TMC1: variants seen among roughly 807,000 people sequenced by gnomAD.
TMC1 encodes transmembrane channel-like protein 1.
Under a neutral mutation model 105.8 loss-of-function variants are expected in TMC1, and 84 were observed. The observed-to-expected ratio is 0.79, with a 90% CI of 0.67 to 0.95. The LOEUF is 0.95. Ranked by LOEUF, TMC1 falls within the 40% of genes least tolerant of loss-of-function variation. The probability of loss-of-function intolerance (pLI) is 0.00; values close to 1 mark genes in which losing one functional copy is unlikely to be tolerated. For synonymous variants in TMC1, 315 were observed against 311.5 expected (o/e 1.01, Z -0.12); for missense variants, 817 against 914.1 (o/e 0.89, Z 1.37).
chr9:72,661,022 C>T (rs1663760), intron 5 of TMC1, among the ~76,000 whole-genome samples: 35,615 of 151,988 alleles, frequency 0.23, 4,486 homozygotes, highest in East Asian at 0.38. Context: ...CATGGTGGCA[C>T]GCGCCTGTAG....
intron 1 of TMC1, among the ~76,000 whole-genome samples, chr9:72,524,038 C>T (rs890974349): frequency 1.3e-5 from 2 of 152,162 alleles, no homozygotes; most frequent in African/African-American, 4.8e-5. Context: ...TCCATTTTCA[C>T]TCGTCAGTGC....
chr9:72,769,919 G>C (rs1827898407), intron 12 of TMC1, among the ~76,000 whole-genome samples: 1 of 152,176 alleles, frequency 6.6e-6, no homozygotes, highest in African/African-American at 2.4e-5. Flanking sequence ...AGCATGTTCT[G>C]TTATTGTCAC....
chr9:72,700,107 T>G (rs1172776101), intron 7 of TMC1, among the ~76,000 whole-genome samples: 2 of 151,000 alleles, frequency 1.3e-5, no homozygotes, highest in Non-Finnish European at 2.9e-5. Context: ...ATATAAAAAT[T>G]AGCTGGGCTA....
chr9:72,792,203 A>G lies in TMC1; in HGVS notation c.1417A>G (p.Lys473Glu), dbSNP rs993650641. Residue 473 changes from lysine to glutamate, a missense_variant, in exon 17 of 24, where the codon AAG becomes GAG. Transcript: ENST00000297784. ...CTTTGCTTTCTAGATTGAAGAGGAG[A>G]AGCTAGTAAAGGCCAATATTACCCT... ...DEINNKIEEEKLVKANITLWE... is the reference protein window; with the variant it reads ...DEINNKIEEEELVKANITLWE... 1.2e-6 allele frequency: 2 copies of G among 1,614,006 alleles called. No individual in the cohort carries two copies. The highest frequency in any genetic ancestry group is 2.7e-5 in the African/African-American group (2 of 74,902).
At chr9:72,770,297 T>C (rs1827904239) in intron 12 of TMC1, among the ~76,000 whole-genome samples, 1 of 148,726 alleles carries the variant, frequency 6.7e-6, no homozygotes, top group Non-Finnish European at 1.5e-5. Context: ...TATATATATA[T>C]ATAAAATTTA....
At chr9:72,741,346 T>C (rs1485204649) in intron 9 of TMC1, 1 of 365,804 alleles carries the variant, frequency 2.7e-6, no homozygotes, top group Non-Finnish European at 5.1e-6. Flanking sequence ...TTCTTATGCT[T>C]ATTCTTCTTT....
chr9:72,761,127 G>T (rs1827749515), intron 12 of TMC1, among the ~76,000 whole-genome samples: 1 of 152,160 alleles, frequency 6.6e-6, no homozygotes. Flanking sequence ...GAAACAGAGA[G>T]ATTATTATGT....
At chr9:72,587,741 G>A (rs1203343412) in intron 2 of TMC1, among the ~76,000 whole-genome samples, 1 of 151,752 alleles carries the variant, frequency 6.6e-6, no homozygotes, top group Non-Finnish European at 1.5e-5. Context: ...ATATGACCAT[G>A]CCTGAATTCA....
chr9:72,656,165 G>A (rs761899033), intron 5 of TMC1: 6 of 595,450 alleles, frequency 1.0e-5, no homozygotes, highest in Admixed American at 9.4e-5. Flanking sequence ...GGCTCCGTGG[G>A]TGTTTTTCCG....
chr9:72,803,782 T>C (rs1294091878), intron 17 of TMC1, among the ~76,000 whole-genome samples: 3 of 152,196 alleles, frequency 2.0e-5, no homozygotes, highest in East Asian at 3.9e-4. Context: ...ACACAGTTAG[T>C]GGGAATGTAA....
rs115208433 is a variant in TMC1 at position 72,740,486 on chromosome 9, A to C, written c.453+277A>C. 4.5e-3 allele frequency among the ~76,000 whole-genome samples: 683 copies of C among 152,272 alleles called. 4 individuals carry two copies. Among genetic ancestry groups the C allele is most frequent in the African/African-American group, 0.016 (653 of 41,574 alleles). On this transcript the variant is annotated intron_variant, in intron 9 of 23. Coordinates refer to ENST00000297784, the MANE Select transcript of TMC1 (RefSeq NM_138691.3). The stretch of plus-strand genomic sequence containing the variant: ...AGCACTTCCAAATATAAAAGATTGC[A>C]TCCTTTTTCATTTTCATTCTCTGGA...
At chr9:72,627,059 A>G (rs1261826735) in intron 3 of TMC1, among the ~76,000 whole-genome samples, 2 of 140,822 alleles carry the variant, frequency 1.4e-5, no homozygotes, top group Non-Finnish European at 3.1e-5. Context: ...GTCTGTCATT[A>G]TAGTAATAAC....
chr9:72,821,095 G>T lies in TMC1; in HGVS notation c.2003+14G>T. 6.2e-7 allele frequency: 1 copy of T among 1,614,120 alleles called. No individual in the cohort carries two copies. The highest frequency in any genetic ancestry group is 1.3e-5 in the African/African-American group (1 of 75,026). On this transcript the variant is annotated intron_variant, in intron 20 of 23. Transcript: ENST00000297784. ...TGGTCCATTCAGGTCTCTTGCTTTTGAAATTTGACTCAGGCATCGTGTTCT... is the reference window on the plus strand; with the variant it reads ...TGGTCCATTCAGGTCTCTTGCTTTTTAAATTTGACTCAGGCATCGTGTTCT...
chr9:72,563,728 A>G (rs546389826), intron 1 of TMC1, among the ~76,000 whole-genome samples: 2 of 151,868 alleles, frequency 1.3e-5, no homozygotes, highest in South Asian at 4.2e-4. Context: ...GTGAAACCCC[A>G]TCTCTACTAA....
chr9:72,817,861 C>A (rs1179906733), intron 19 of TMC1, among the ~76,000 whole-genome samples: 1 of 152,082 alleles, frequency 6.6e-6, no homozygotes, highest in Non-Finnish European at 1.5e-5. Context: ...TTTATTAATT[C>A]TTCAGACAGT....
intron 2 of TMC1, among the ~76,000 whole-genome samples, chr9:72,594,859 T>TCTG (rs772776392): frequency 1.3e-5 from 2 of 149,632 alleles, no homozygotes; most frequent in African/African-American, 4.9e-5. Flanking sequence ...CTCCTCTGCT[T>TCTG]CTTCTTCTTC....
rs562169922 is a variant in TMC1, at chr9:72,521,827, A to C, written c.-514A>C. On this transcript the variant is annotated 5_prime_UTR_variant, in exon 1 of 24. Transcript: ENST00000297784. ...AGAAACTATGAGGGCAGAACCCAGC[A>C]ATCTGTGCTTTCTTTCACAAGCCCT... 2 of 152,270 alleles carry C rather than the reference A, an allele frequency of 1.3e-5. No individual in the cohort carries two copies. The highest frequency in any genetic ancestry group is 1.3e-4 in the Admixed American group (2 of 15,300). The allele number at this position is 152,270 out of a possible 1,614,324, so 9.4% of individuals were successfully genotyped here. A position where few individuals can be genotyped will look rare whatever the true frequency, so the allele number is the denominator to read the frequency against.
chr9:72,718,645 G>C (rs1474419350), intron 8 of TMC1, among the ~76,000 whole-genome samples: 1 of 152,164 alleles, frequency 6.6e-6, no homozygotes, highest in African/African-American at 2.4e-5. Context: ...TGCCTTAGTT[G>C]TAGTTGTTTA....
At chr9:72,650,221 A>G (rs1233657343) in intron 5 of TMC1, among the ~76,000 whole-genome samples, 1 of 152,196 alleles carries the variant, frequency 6.6e-6, no homozygotes, top group Non-Finnish European at 1.5e-5. Context: ...TGGTTTATAC[A>G]TAATAAAATG....
Sources: gnomAD v4.1 joint callset for allele counts (sites outside exome capture counted in the v4.1 genomes callset) on GRCh38, gnomAD v4.1.1 for gene constraint, MANE v1.5 for transcripts, NCBI Gene and HGNC (gene_info 2026-07-23, HGNC 2026-07-21) for gene names.